Variants in PLXNB2 observed in about 807,000 individuals in gnomAD.
The protein encoded by PLXNB2 is plexin B2.
A neutral mutation model predicts 202.6 loss-of-function variants in PLXNB2; 85 were observed. The ratio of observed to expected loss-of-function variants is 0.42; its 90% CI spans 0.35 to 0.50. The LOEUF (loss-of-function observed/expected upper bound fraction) is 0.50. Ranked by LOEUF, PLXNB2 falls within the 20% of genes least tolerant of loss-of-function variation. The probability of loss-of-function intolerance (pLI) is 0.02; values close to 1 mark genes in which losing one functional copy is unlikely to be tolerated. For missense variants in PLXNB2, 2,063 were observed against 2,586.2 expected (o/e 0.80, Z 4.39); for synonymous variants, 1,239 against 1,137.6 (o/e 1.09, Z -1.79).
intron 1 of PLXNB2, 50 bp downstream of exon 1, chr22:50,307,503 C>CG (rs1481475212): frequency 1.1e-6 from 1 of 930,624 alleles, no homozygotes; most frequent in African/African-American, 1.8e-5. Flanking sequence ...CGAAGCCCCC[C>CG]CCACGCCCAG....
rs772194001 is a variant in PLXNB2, at chr22:50,297,859, G to A, written c.-73-3081C>T. ...GGTCATTATGGCGCCCACCTCAGAGGGCTGCCTTGAGGTTGAGTGGGTGTG... is the reference window on the plus strand; with the variant it reads ...GGTCATTATGGCGCCCACCTCAGAGAGCTGCCTTGAGGTTGAGTGGGTGTG... On this transcript the variant is annotated intron_variant, in intron 1 of 36. Transcript: ENST00000359337. The surrounding 1 kb of genome is among the most constrained non-coding windows in gnomAD (Gnocchi z 5.3). Among the ~76,000 whole-genome samples, 1 of 152,100 alleles carries A rather than the reference G, an allele frequency of 6.6e-6. No individual in the cohort carries two copies. Among genetic ancestry groups the A allele is most frequent in the Non-Finnish European group, 1.5e-5 (1 of 68,026 alleles).
At chr22:50,300,067 C>G (rs930061373) in intron 1 of PLXNB2, among the ~76,000 whole-genome samples, 1 of 152,120 alleles carries the variant, frequency 6.6e-6, no homozygotes, top group African/African-American at 2.4e-5. Context: ...AGCTCCACGG[C>G]CACCGCCCGC....
chr22:50,294,961 T>C (rs773494461), intron 1 of PLXNB2, among the ~76,000 whole-genome samples, 183 bp from the exon 2 acceptor site: 23 of 152,182 alleles, frequency 1.5e-4, no homozygotes, highest in Non-Finnish European at 3.1e-4. Flanking sequence ...CTCCTGGCAC[T>C]CCCCTCTGTC....
Position 50,282,731 on chromosome 22 carries a change from C to T in PLXNB2, c.2967G>A (p.Glu989=). ...YRENPVLRAF[E]PLRSFASGGR... is the part of the protein sequence containing the mutation. ...CTCACCTGGCAAAGCTTCGTAGCGG[C>T]TCGAAGGCTCGCAGTACGGGGTTTT... Residue 989 remains glutamate (E), a synonymous_variant, in exon 18 of 37, where the codon GAG becomes GAA. Transcript: ENST00000359337. The T allele has an allele frequency of 6.4e-7, 1 of 1,553,064 alleles. No individual in the cohort carries two copies. The highest frequency in any genetic ancestry group is 8.6e-7 in the Non-Finnish European group (1 of 1,157,602).
rs1440787898 is a variant in PLXNB2, at chr22:50,279,735, G to C, written c.4284C>G (p.Ile1428Met). 41 of 1,613,892 alleles carry C rather than the reference G, an allele frequency of 2.5e-5. No individual in the cohort carries two copies. The highest frequency in any genetic ancestry group is 3.2e-5 in the Non-Finnish European group (38 of 1,179,966). The change falls in exon 27 of 37, where the codon ATC becomes ATG. Residue 1428 changes from isoleucine (I) to methionine (M), a missense_variant. By Grantham distance (10) the Ile-to-Met change is conservative. This residue lies in a region of PLXNB2 where 760 missense variants were observed against 1,109.4 expected (regional missense o/e 0.69). Coordinates refer to ENST00000359337, the MANE Select transcript of PLXNB2 (RefSeq NM_012401.4). Reference sequence around the variant, plus strand: ...CCGGGCCCTTTTCCACCTGATGTTTGATGGCCTTGAAGAGCTTGTACAGGG... The same window carrying C: ...CCGGGCCCTTTTCCACCTGATGTTTCATGGCCTTGAAGAGCTTGTACAGGG... Reference protein sequence around the residue: ...GEPLYKLFKAIKHQVEKGPVD... With the variant: ...GEPLYKLFKAMKHQVEKGPVD...
In PLXNB2 at chr22:50,297,500, G is replaced by A. The variant is rs1401184069; in HGVS notation, c.-73-2722C>T. On this transcript the variant is annotated intron_variant, in intron 1 of 36. Transcript: ENST00000359337. This position sits in a 1 kb window ranked among gnomAD's most constrained non-coding sequence, Gnocchi z 5.3. ...TTCCCCTCCCAGAGAATAACACCAT[G>A]ATCCCTCCACCCTCAGTCTGGGGCC... Among the ~76,000 whole-genome samples, 2 of 152,110 alleles carry A rather than the reference G, an allele frequency of 1.3e-5. No homozygotes were observed. The highest frequency in any genetic ancestry group is 2.9e-5 in the Non-Finnish European group (2 of 68,010).
chr22:50,279,902 G>A, intron 26 of PLXNB2, 103 bp downstream of exon 26: 1 of 1,402,468 alleles, frequency 7.1e-7, no homozygotes, highest in Non-Finnish European at 9.9e-7. Context: ...ACCTGTCCAG[G>A]CAGGGCCCAC....
chr22:50,283,980 G>A lies in PLXNB2; in HGVS notation c.2274C>T (p.Tyr758=). 6.5e-7 allele frequency: 1 copy of A among 1,543,832 alleles called. No homozygotes were observed. The highest frequency in any genetic ancestry group is 8.7e-7 in the Non-Finnish European group (1 of 1,148,138). The change falls in exon 14 of 37, where the codon TAC becomes TAT. Residue 758 remains tyrosine, a synonymous_variant. Coordinates refer to ENST00000359337, the MANE Select transcript of PLXNB2 (RefSeq NM_012401.4). ...NIDSKLHVTL[Y]NCSFGRSDCS... Reference sequence around the variant, plus strand: ...AGTCGCTGCGGCCAAAGGAGCAGTTGTAGAGGGTCACTGCGGGGAGAGCTG... The same window carrying A: ...AGTCGCTGCGGCCAAAGGAGCAGTTATAGAGGGTCACTGCGGGGAGAGCTG...
chr22:50,278,387 G>A (rs76904825), intron 30 of PLXNB2, 48 bp downstream of exon 30: 23 of 1,557,400 alleles, frequency 1.5e-5, no homozygotes, highest in South Asian at 2.3e-5. Flanking sequence ...CATGGTCCAC[G>A]CTGACCACCA....
chr22:50,281,717 G>T lies in PLXNB2; in HGVS notation c.3371C>A (p.Thr1124Lys). ...ARGTNLNKAM[T>K]LQEAEAFVGA... is the part of the protein sequence containing the mutation. ...CACGAAGGCCTCGGCCTCCTGCAGC[G>T]TCATCGCCTTGTTCAGATTGGTGCC... is the stretch of plus-strand genomic sequence containing the variant. Residue 1124 changes from threonine to lysine, a missense_variant, in exon 21 of 37, where the codon ACG (threonine) becomes AAG (lysine). Around this residue, in one of 2 missense-constraint regions of PLXNB2, gnomAD observed 760 missense variants for 1,109.4 expected, o/e 0.69. Transcript: ENST00000359337. 6.4e-7 allele frequency: 1 copy of T among 1,561,572 alleles called. No homozygotes were observed. The highest frequency in any genetic ancestry group is 8.7e-7 in the Non-Finnish European group (1 of 1,152,214).
intron 1 of PLXNB2, among the ~76,000 whole-genome samples, chr22:50,305,619 G>T (rs77023739): frequency 6.6e-6 from 1 of 152,302 alleles, no homozygotes. Flanking sequence ...TAGGGAGTCC[G>T]TTGGGGCAGG....
chr22:50,276,021 CAGG>C (rs2065530645), intron 35 of PLXNB2, 58 bp from the exon 36 acceptor site: 1 of 1,518,652 alleles, frequency 6.6e-7, no homozygotes. Flanking sequence ...CCAGGGCTGG[CAGG>C]AGTAGTACGG....
chr22:50,288,264 C>T lies in PLXNB2; in HGVS notation c.1381-227G>A, dbSNP rs918561576. Among the ~76,000 whole-genome samples the T allele has an allele frequency of 2.6e-5, 4 of 152,124 alleles. No homozygotes were observed. The highest frequency in any genetic ancestry group is 9.7e-5 in the African/African-American group (4 of 41,406). ...CTGGAGGTCTTGGCTATGGTGTCTCCCGGGGCAGCTCCTGTCCTCTACACT... is the reference window on the plus strand; with the variant it reads ...CTGGAGGTCTTGGCTATGGTGTCTCTCGGGGCAGCTCCTGTCCTCTACACT... On this transcript the variant is annotated intron_variant, in intron 5 of 36. Coordinates refer to ENST00000359337, the MANE Select transcript of PLXNB2 (RefSeq NM_012401.4). This position sits in a 1 kb window ranked among gnomAD's most constrained non-coding sequence, Gnocchi z 5.0.
At chr22:50,299,235 G>A (rs1316621443) in intron 1 of PLXNB2, among the ~76,000 whole-genome samples, 8 of 151,332 alleles carry the variant, frequency 5.3e-5, no homozygotes, top group Non-Finnish European at 2.9e-5. Context: ...AGAAGGCAGA[G>A]GTCCTAGGGC....
At position 50,297,554 on chromosome 22, in the gene PLXNB2, C is replaced by A. The variant is rs1202176415; in HGVS notation, c.-73-2776G>T. Among the ~76,000 whole-genome samples, 1 of 152,184 alleles carries A rather than the reference C, an allele frequency of 6.6e-6. No individual in the cohort carries two copies. Among genetic ancestry groups the A allele is most frequent in the Non-Finnish European group, 1.5e-5 (1 of 68,032 alleles). ...CCTGGCCCAAGTCTACCTCCTCTGC[C>A]CGGCCTCTGGCTTCTCCCACCTCCA... On this transcript the variant is annotated intron_variant, in intron 1 of 36. Transcript: ENST00000359337. The surrounding 1 kb of genome is among the most constrained non-coding windows in gnomAD (Gnocchi z 5.3).
In PLXNB2 at chr22:50,282,400, G is replaced by C. The variant is rs2066064869; in HGVS notation, c.2988-87C>G. ...TCCCGTCCCCGCCCACCCTGGCCCT[G>C]ACCACACGGGGCTTCCAGGTGCATG... On this transcript the variant is annotated intron_variant, in intron 18 of 36. Transcript: ENST00000359337. 2.1e-6 allele frequency: 3 copies of C among 1,400,448 alleles called. No individual in the cohort carries two copies. The South Asian group carries it at 4.1e-5, about 19-fold the overall frequency. 86.8% of individuals were successfully genotyped at this position (1,400,448 alleles called of 1,614,324 possible).
intron 6 of PLXNB2, 71 bp from the exon 7 acceptor site, chr22:50,287,864 C>T (rs1269924899): frequency 2.5e-6 from 4 of 1,590,548 alleles, no homozygotes; most frequent in Non-Finnish European, 3.4e-6. Context: ...GTGCGATGTG[C>T]CCCCCGACCC....
intron 31 of PLXNB2, 51 bp from the exon 32 acceptor site, chr22:50,278,064 G>A (rs996926966): frequency 6.9e-6 from 11 of 1,587,154 alleles, no homozygotes; most frequent in East Asian, 2.2e-5. Flanking sequence ...CTCCTGGGGG[G>A]GAGGGTCTCA....
chr22:50,283,552 C>A (rs755637314), intron 15 of PLXNB2, 50 bp downstream of exon 15: 2 of 1,598,346 alleles, frequency 1.3e-6, no homozygotes, highest in South Asian at 1.1e-5. Flanking sequence ...GGAACCCCAG[C>A]GTGGGTACTG....
Sources: gnomAD v4.1 joint callset for allele counts (sites outside exome capture counted in the v4.1 genomes callset) on GRCh38, gnomAD v4.1.1 for gene constraint, gnomAD v4.1.1 regional missense constraint, Gnocchi (gnomAD v3.1) non-coding constraint, MANE v1.5 for transcripts, NCBI Gene and HGNC (gene_info 2026-07-23, HGNC 2026-07-21) for gene names.